The following PROX2 variants were observed in gnomAD, a reference collection of about 807,000 sequenced individuals.
PROX2 encodes prospero homeobox protein 2.
Under a neutral mutation model 48.9 loss-of-function variants are expected in PROX2, and 46 were observed. The ratio of observed to expected loss-of-function variants is 0.94; its 90% CI spans 0.74 to 1.20. The LOEUF (loss-of-function observed/expected upper bound fraction) is 1.20. Ranked by LOEUF, PROX2 falls within the 50% of genes most tolerant of loss-of-function variation. The pLI, the probability that PROX2 is intolerant of heterozygous loss-of-function variation, is 0.00. For synonymous variants in PROX2, 260 were observed against 276.6 expected, an observed-to-expected ratio of 0.94 and a Z score of 0.60; for missense variants, 663 against 719.4, an observed-to-expected ratio of 0.92 and a Z score of 0.90.
Position 74,865,564 on chromosome 14 carries a change from C to T in PROX2, c.-174-1556G>A, listed in dbSNP as rs961035251. ...ACTAATAATAATCATTGAACTGGGC[C>T]GGGCGCGGTGGCTCACGCCTGTAAT... On this transcript the variant is annotated intron_variant, in intron 2 of 5. Transcript: ENST00000556489. Among the ~76,000 whole-genome samples, 9 of 152,200 alleles carry T rather than the reference C, an allele frequency of 5.9e-5. No individual in the cohort carries two copies. The East Asian group carries it at 1.2e-3, about 20-fold the overall frequency.
At chr14:74,860,224 G>A (rs1011212972) in intron 3 of PROX2, among the ~76,000 whole-genome samples, 2 of 152,172 alleles carry the variant, frequency 1.3e-5, no homozygotes, top group Non-Finnish European at 2.9e-5. Flanking sequence ...AAGATAATAC[G>A]ATGTGTGTAC....
chr14:74,855,228 G>C lies in PROX2; in HGVS notation c.1683C>G (p.Asp561Glu). 6.3e-7 allele frequency: 1 copy of C among 1,595,976 alleles called. No homozygotes were observed. The highest frequency in any genetic ancestry group is 8.6e-7 in the Non-Finnish European group (1 of 1,168,278). Residue 561 changes from aspartate (D) to glutamate (E), a missense_variant, in exon 6 of 6, where the codon GAC (aspartate) becomes GAG (glutamate). Physicochemically the swap from Asp to Glu is conservative, Grantham distance 45 (BLOSUM62 2). Coordinates refer to ENST00000556489, the MANE Select transcript of PROX2 (RefSeq NM_001243007.2). Reference sequence around the variant, plus strand: ...TGGGTTTCTTCCAGGAAGGATCTGAGTCTCTCCCTGCGGAGACAGCCCTGA... The same window carrying C: ...TGGGTTTCTTCCAGGAAGGATCTGACTCTCTCCCTGCGGAGACAGCCCTGA... ...EFFRAVSAGR[D>E]SDPSWKKPIY...
intron 3 of PROX2, chr14:74,858,836 GGTGTATT>G: frequency 4.7e-6 from 1 of 211,586 alleles, no homozygotes; most frequent in Non-Finnish European, 8.7e-6. Context: ...AATACAGGTT[GGTGTATT>G]GTGTGTGTGT....
At chr14:74,859,159 T>C (rs189757192) in intron 3 of PROX2, 2 of 152,350 alleles carry the variant, frequency 1.3e-5, no homozygotes, top group African/African-American at 4.8e-5. Context: ...CACTCTCCAT[T>C]TGCCTGGCAG....
chr14:74,875,008 G>A (rs1346198455), intron 1 of PROX2, among the ~76,000 whole-genome samples: 1 of 152,120 alleles, frequency 6.6e-6, no homozygotes, highest in Non-Finnish European at 1.5e-5. Flanking sequence ...AGCTGGGCGT[G>A]GTGGTGCATG....
Position 74,858,523 on chromosome 14 carries a change from G to C in PROX2, c.1306-9C>G. 1.4e-6 allele frequency: 2 copies of C among 1,472,046 alleles called. No homozygotes were observed. The highest frequency in any genetic ancestry group is 1.9e-6 in the Non-Finnish European group (2 of 1,072,354). The allele number at this position is 1,472,046 out of a possible 1,614,324, so 91.2% of individuals were successfully genotyped here. On this transcript the variant is annotated splice_polypyrimidine_tract_variant and intron_variant, in intron 3 of 5. Transcript: ENST00000556489. ...TTTAGACCCTCCTGGATTTATCTCA[G>C]TGTCAAGGAAAATGAACACTTTAAA... is the stretch of plus-strand genomic sequence containing the variant.
rs370064518 is a variant in PROX2 at position 74,862,526 on chromosome 14, A to G, written c.1305+4T>C. 1 of 1,610,098 alleles carries G rather than the reference A, an allele frequency of 6.2e-7. No homozygotes were observed. Among genetic ancestry groups the G allele is most frequent in the African/African-American group, 1.3e-5 (1 of 74,852 alleles). ...TGAGAACTTCAATTGCTATTAAAGG[A>G]TATGTGGACCAAAGAGAAAGGCAGT... is the stretch of plus-strand genomic sequence containing the variant. On this transcript the variant is annotated splice_donor_region_variant and intron_variant, in intron 3 of 5. Coordinates refer to ENST00000556489, the MANE Select transcript of PROX2 (RefSeq NM_001243007.2).
At chr14:74,873,867 G>A (rs1883274997) in intron 1 of PROX2, 2 of 447,534 alleles carry the variant, frequency 4.5e-6, no homozygotes, top group South Asian at 3.4e-5. Context: ...AGGCTGTAGT[G>A]GTGGAATGCT....
At position 74,864,001 on chromosome 14, in the gene PROX2, G is replaced by T; in HGVS notation, c.-167C>A. 1 of 704,548 alleles carries T rather than the reference G, an allele frequency of 1.4e-6. No individual in the cohort carries two copies. Among genetic ancestry groups the T allele is most frequent in the Non-Finnish European group, 2.0e-6 (1 of 495,512 alleles). 43.6% of individuals were successfully genotyped at this position (704,548 alleles called of 1,614,324 possible). ...ATGCCAGGGCTCATGAACCTCCTGG[G>T]CAGACTCCTGAAATTAGAGACAGGA... On this transcript the variant is annotated 5_prime_UTR_variant, in exon 3 of 6. Coordinates refer to ENST00000556489, the MANE Select transcript of PROX2 (RefSeq NM_001243007.2).
At position 74,854,153 on chromosome 14, in the gene PROX2, G is replaced by C. The variant is rs1305284143; in HGVS notation, c.*979C>G. The C allele has an allele frequency of 8.0e-6, 3 of 374,278 alleles. No homozygotes were observed. Among genetic ancestry groups the C allele is most frequent in the Non-Finnish European group, 1.6e-5 (3 of 183,900 alleles). The allele number at this position is 374,278 out of a possible 1,614,324, so 23.2% of individuals were successfully genotyped here. ...CCTAAGGCCCTTTCTACCTTTCACA[G>C]TCTGAAGTTCAGCTTCTTCTGCATA... On this transcript the variant is annotated 3_prime_UTR_variant, in exon 6 of 6. Transcript: ENST00000556489.
Position 74,858,530 on chromosome 14 carries a change from G to A in PROX2, c.1306-16C>T, listed in dbSNP as rs772115412. ...CCTCCTGGATTTATCTCAGTGTCAA[G>A]GAAAATGAACACTTTAAAATGCCAG... On this transcript the variant is annotated splice_polypyrimidine_tract_variant and intron_variant, in intron 3 of 5. Coordinates refer to ENST00000556489, the MANE Select transcript of PROX2 (RefSeq NM_001243007.2). The A allele has an allele frequency of 5.2e-5, 73 of 1,402,378 alleles. No homozygotes were observed. Among genetic ancestry groups the A allele is most frequent in the Non-Finnish European group, 7.1e-5 (72 of 1,011,348 alleles). The allele number at this position is 1,402,378 out of a possible 1,614,324, so 86.9% of individuals were successfully genotyped here.
At chr14:74,870,922 A>G (rs1161227546) in intron 2 of PROX2, among the ~76,000 whole-genome samples, 181 bp downstream of exon 2, 1 of 152,074 alleles carries the variant, frequency 6.6e-6, no homozygotes, top group African/African-American at 2.4e-5. Context: ...TGCATCTGTA[A>G]TCCCAGCTAC....
Position 74,862,956 on chromosome 14 carries a change from C to G in PROX2, c.879G>C (p.Gln293His), listed in dbSNP as rs749970277. Residue 293 changes from glutamine (Q) to histidine (H), a missense_variant, in exon 3 of 6, where the codon CAG (glutamine) becomes CAC (histidine). Transcript: ENST00000556489. The part of the protein sequence containing the change: ...LALAALPRRV[Q>H]LQAGVPVGNL... ...TTCCTACTGGGACCCCAGCTTGTAG[C>G]TGGACCCTCCTGGGCAAGGCAGCCA... is the stretch of plus-strand genomic sequence containing the variant. The G allele has an allele frequency of 1.8e-5, 29 of 1,613,810 alleles. No individual in the cohort carries two copies. The highest frequency in any genetic ancestry group is 2.4e-5 in the Non-Finnish European group (28 of 1,179,884).
intron 1 of PROX2, among the ~76,000 whole-genome samples, 109 bp downstream of exon 1, chr14:74,875,786 T>G (rs995200161): frequency 2.1e-4 from 32 of 152,230 alleles, no homozygotes; most frequent in Admixed American, 2.1e-3. Context: ...GGGTGGGTAT[T>G]GCTATGCTAC....
rs775957531 is a variant in PROX2, at chr14:74,863,675, C to A, written c.160G>T (p.Glu54Ter). Reference sequence around the variant, plus strand: ...TGGATGTGCTCATCACCAAACCATTCGGGGTCTGTAGGGCTGGAGCTGGGG... The same window carrying A: ...TGGATGTGCTCATCACCAAACCATTAGGGGTCTGTAGGGCTGGAGCTGGGG... ...QVPSSSPTDP[E>*]WFGDEHIQAK... Residue 54 changes from glutamate to a stop codon, truncating the protein, a stop_gained, in exon 3 of 6, where the codon GAA (glutamate) becomes TAA (stop). Transcript: ENST00000556489. LOFTEE classifies it high-confidence loss of function. 7 of 1,558,922 alleles carry A rather than the reference C, an allele frequency of 4.5e-6. No homozygotes were observed. Among genetic ancestry groups the A allele is most frequent in the South Asian group, 3.7e-5 (3 of 80,326 alleles).
intron 5 of PROX2, 101 bp from the exon 6 acceptor site, chr14:74,855,403 G>T: frequency 1.1e-6 from 1 of 924,096 alleles, no homozygotes; most frequent in Non-Finnish European, 1.5e-6. Context: ...CTTGGGTAGT[G>T]GGCTAGGAGC....
At chr14:74,867,011 A>G (rs750375157) in intron 2 of PROX2, among the ~76,000 whole-genome samples, 1 of 152,208 alleles carries the variant, frequency 6.6e-6, no homozygotes, top group Non-Finnish European at 1.5e-5. Context: ...TCCATGCAGC[A>G]AAAGGAAGAG....
chr14:74,857,067 A>C (rs1250419961), intron 4 of PROX2, 72 bp from the exon 5 acceptor site: 31 of 1,300,546 alleles, frequency 2.4e-5, no homozygotes, highest in Non-Finnish European at 2.8e-5. Flanking sequence ...GTCTGCTTCC[A>C]GCTCAGTATA....
chr14:74,873,169 G>C (rs1293795053), intron 1 of PROX2, among the ~76,000 whole-genome samples: 5 of 152,038 alleles, frequency 3.3e-5, no homozygotes, highest in African/African-American at 9.7e-5. Flanking sequence ...ATTTTTAGTA[G>C]AGGCGGGGTT....
Sources: allele counts gnomAD v4.1 joint callset (sites outside exome capture counted in the v4.1 genomes callset), GRCh38; gene constraint gnomAD v4.1.1; transcripts MANE v1.5; gene names NCBI Gene and HGNC (gene_info 2026-07-23, HGNC 2026-07-21).